The following TRIT1 variants were observed in gnomAD, a reference collection of about 807,000 sequenced individuals.
The protein encoded by TRIT1 is tRNA dimethylallyltransferase.
Under a neutral mutation model 51.2 loss-of-function variants are expected in TRIT1, and 43 were observed. That is an observed-to-expected ratio of 0.84 (90% CI 0.66 to 1.08). The LOEUF (loss-of-function observed/expected upper bound fraction) is 1.08. TRIT1 is among the 50% of genes least tolerant of loss of function. The probability of loss-of-function intolerance (pLI) is 0.00; values close to 1 mark genes in which losing one functional copy is unlikely to be tolerated. For synonymous variants in TRIT1, 184 were observed against 203.9 expected (o/e 0.90, Z 0.83); for missense variants, 528 against 578.4 (o/e 0.91, Z 0.89).
chr1:39,863,395 G>A (rs1643357788), intron 1 of TRIT1, among the ~76,000 whole-genome samples: 1 of 152,172 alleles, frequency 6.6e-6, no homozygotes, highest in Admixed American at 6.5e-5. Context: ...AGGAGTCCAA[G>A]GCTATAGTGA....
At position 39,841,723 on chromosome 1, in the gene TRIT1, A is replaced by G; in HGVS notation, c.*21T>C. ...TGAACTGGATCCCCACCACCTTTCC[A>G]AAGGCCACTGGACATGTCTCTTAAA... On this transcript the variant is annotated 3_prime_UTR_variant, in exon 11 of 11. Coordinates refer to ENST00000316891, the MANE Select transcript of TRIT1 (RefSeq NM_017646.6). The G allele has an allele frequency of 6.3e-7, 1 of 1,593,050 alleles. No homozygotes were observed. Among genetic ancestry groups the G allele is most frequent in the Non-Finnish European group, 8.5e-7 (1 of 1,170,722 alleles).
At position 39,841,562 on chromosome 1, in the gene TRIT1, C is replaced by T; in HGVS notation, c.*182G>A. The T allele has an allele frequency of 1.9e-6, 1 of 538,860 alleles. No homozygotes were observed. The highest frequency in any genetic ancestry group is 3.1e-6 in the Non-Finnish European group (1 of 318,308). The allele number at this position is 538,860 out of a possible 1,614,324, so 33.4% of individuals were successfully genotyped here. A position where few individuals can be genotyped will look rare whatever the true frequency, so the allele number is the denominator to read the frequency against. ...TCAGCCACACAAGGAGCTGACAAGA[C>T]CTGCTGTTTCTATTATAGAGAACGT... is the stretch of plus-strand genomic sequence containing the variant. On this transcript the variant is annotated 3_prime_UTR_variant, in exon 11 of 11. Transcript: ENST00000316891.
rs185164903 is a variant in TRIT1, at chr1:39,871,794, G to A, written c.174+11524C>T. On this transcript the variant is annotated intron_variant, in intron 1 of 10. Coordinates refer to ENST00000316891, the MANE Select transcript of TRIT1 (RefSeq NM_017646.6). ...CTATAAGGGATTTTTTAGGGTGATA[G>A]AACTGTTCAGTATGGTACTGTGGGG... Among the ~76,000 whole-genome samples, 819 of 152,234 alleles carry A rather than the reference G, an allele frequency of 5.4e-3. 7 individuals are homozygous for A. The highest frequency in any genetic ancestry group is 6.9e-3 in the Non-Finnish European group (469 of 68,012).
At chr1:39,855,911 C>T (rs2124617910) in intron 2 of TRIT1, among the ~76,000 whole-genome samples, 1 of 152,220 alleles carries the variant, frequency 6.6e-6, no homozygotes, top group Non-Finnish European at 1.5e-5. Flanking sequence ...GGCGTGGTGG[C>T]TCACACTTGT....
intron 1 of TRIT1, among the ~76,000 whole-genome samples, chr1:39,872,991 C>T (rs537974856): frequency 1.3e-5 from 2 of 152,240 alleles, no homozygotes; most frequent in African/African-American, 2.4e-5. Context: ...GAGGGTATCT[C>T]CCCTAAAATA....
chr1:39,847,157 G>T, intron 8 of TRIT1, 63 bp downstream of exon 8: 1 of 1,357,530 alleles, frequency 7.4e-7, no homozygotes, highest in Non-Finnish European at 1.0e-6. Context: ...TTCTGGGTGA[G>T]CTGAGGACAT....
intron 1 of TRIT1, among the ~76,000 whole-genome samples, chr1:39,873,338 T>G (rs1162752989): frequency 1.3e-5 from 2 of 152,158 alleles, no homozygotes; most frequent in Non-Finnish European, 2.9e-5. Flanking sequence ...GTGGTATACT[T>G]TCCCAAAATC....
intron 4 of TRIT1, among the ~76,000 whole-genome samples, chr1:39,850,662 T>C (rs1254050321): frequency 6.6e-6 from 1 of 152,180 alleles, no homozygotes; most frequent in Non-Finnish European, 1.5e-5. Flanking sequence ...ATATAAATTA[T>C]TCTGAAATCA....
chr1:39,854,723 A>T (rs1039404708), intron 2 of TRIT1, among the ~76,000 whole-genome samples: 2 of 152,252 alleles, frequency 1.3e-5, no homozygotes, highest in African/African-American at 4.8e-5. Flanking sequence ...CCTAAAAAAT[A>T]GTAAGCACTC....
chr1:39,856,263 G>A (rs922021128), intron 2 of TRIT1, among the ~76,000 whole-genome samples: 1 of 152,008 alleles, frequency 6.6e-6, no homozygotes, highest in Non-Finnish European at 1.5e-5. Flanking sequence ...CCAAGATCGC[G>A]CTATTGCACT....
rs1642284574 is a variant in TRIT1 at position 39,847,295 on chromosome 1, T to C, written c.931A>G (p.Ile311Val). The change falls in exon 8 of 11, where the codon ATT becomes GTT. Residue 311 changes from isoleucine (I) to valine (V), a missense_variant and splice_region_variant. Around this residue, in one of 3 missense-constraint regions of TRIT1, gnomAD observed 468 missense variants for 522.6 expected, o/e 0.90. Coordinates refer to ENST00000316891, the MANE Select transcript of TRIT1 (RefSeq NM_017646.6). ...TTAGTTACTTGTTTCAGAGCCTCAA[T>C]ACCTGAAAGATACAGTAGATTTAAG... Reference protein sequence around the residue: ...ETSNQLLKKGIEALKQVTKRY... With the variant: ...ETSNQLLKKGVEALKQVTKRY... 1.9e-6 allele frequency: 3 copies of C among 1,613,822 alleles called. No individual in the cohort carries two copies. The highest frequency in any genetic ancestry group is 3.3e-4 in the Middle Eastern group (2 of 6,084).
intron 5 of TRIT1, among the ~76,000 whole-genome samples, chr1:39,849,703 C>G (rs904411043): frequency 6.6e-6 from 1 of 152,218 alleles, no homozygotes; most frequent in Non-Finnish European, 1.5e-5. Context: ...ACTACTATCA[C>G]GGACATAATT....
At chr1:39,847,334 G>A in intron 7 of TRIT1, 37 bp from the exon 8 acceptor site, 3 of 1,597,176 alleles carry the variant, frequency 1.9e-6, no homozygotes. Flanking sequence ...ATCTAGGTAA[G>A]CACTCCTTAC....
Position 39,847,843 on chromosome 1 carries a change from C to T in TRIT1, c.815+143G>A, listed in dbSNP as rs1289331809. 4.4e-6 allele frequency: 6 copies of T among 1,376,262 alleles called. No homozygotes were observed. In the African/African-American group the frequency reaches 8.7e-5, roughly 20 times the overall value. 85.3% of individuals were successfully genotyped at this position (1,376,262 alleles called of 1,614,324 possible). ...AGGTTACTTTCTTGAAAAGTTAACT[C>T]CTGGGACTGTCTGAAAGATTAAAAA... On this transcript the variant is annotated intron_variant, in intron 6 of 10. Coordinates refer to ENST00000316891, the MANE Select transcript of TRIT1 (RefSeq NM_017646.6).
chr1:39,877,739 C>T (rs1310948372), intron 1 of TRIT1, among the ~76,000 whole-genome samples: 2 of 152,148 alleles, frequency 1.3e-5, no homozygotes, highest in African/African-American at 4.8e-5. Flanking sequence ...AGAAGACCTT[C>T]GGTATCATCT....
At chr1:39,875,103 G>A (rs554991473) in intron 1 of TRIT1, among the ~76,000 whole-genome samples, 5 of 152,192 alleles carry the variant, frequency 3.3e-5, no homozygotes, top group African/African-American at 1.2e-4. Flanking sequence ...TCCAGCCAAA[G>A]CCCAACTCCA....
chr1:39,878,863 C>G (rs1436768056), intron 1 of TRIT1, among the ~76,000 whole-genome samples: 2 of 152,220 alleles, frequency 1.3e-5, no homozygotes, highest in Non-Finnish European at 2.9e-5. Context: ...CAACACTCCA[C>G]TTGACAGATA....
intron 1 of TRIT1, among the ~76,000 whole-genome samples, chr1:39,857,642 C>T (rs1206900399): frequency 6.6e-6 from 1 of 152,122 alleles, no homozygotes; most frequent in Non-Finnish European, 1.5e-5. Context: ...TAGCTATTAG[C>T]TCAGATTTAA....
At chr1:39,878,316 T>C (rs150842652) in intron 1 of TRIT1, among the ~76,000 whole-genome samples, 215 of 152,334 alleles carry the variant, frequency 1.4e-3, no homozygotes, top group Non-Finnish European at 2.0e-3. Flanking sequence ...AACAACCCCA[T>C]TGTAGTTTTA....
Sources: gnomAD v4.1 joint callset for allele counts (sites outside exome capture counted in the v4.1 genomes callset) on GRCh38, gnomAD v4.1.1 for gene constraint, gnomAD v4.1.1 regional missense constraint, MANE v1.5 for transcripts, NCBI Gene and HGNC (gene_info 2026-07-23, HGNC 2026-07-21) for gene names.